Variants in USP31 observed in about 807,000 individuals in gnomAD.
USP31 encodes ubiquitin specific peptidase 31.
USP31 carries 44 observed loss-of-function variants against 119.4 expected under a neutral mutation model. The ratio of observed to expected loss-of-function variants is 0.37; its 90% CI spans 0.29 to 0.47. The LOEUF (loss-of-function observed/expected upper bound fraction) is 0.47, where lower values mean the gene tolerates loss of function less well. USP31 is among the 20% of genes least tolerant of loss of function. The pLI is 0.99. For synonymous variants in USP31, 749 were observed against 705.6 expected (o/e 1.06, Z -0.97); for missense variants, 1,643 against 1,730.2 (o/e 0.95, Z 0.89).
intron 4 of USP31, 64 bp downstream of exon 4, chr16:23,106,149 G>C (rs1384769770): frequency 6.4e-7 from 1 of 1,558,724 alleles, no homozygotes; most frequent in Non-Finnish European, 8.8e-7. Context: ...CCTAATAGGA[G>C]CCTACAGAGG....
Position 23,061,458 on chromosome 16 carries a change from T to C in USP31, c.*6588A>G, listed in dbSNP as rs189965000. On this transcript the variant is annotated 3_prime_UTR_variant, in exon 16 of 16. Coordinates refer to ENST00000219689, the MANE Select transcript of USP31 (RefSeq NM_020718.4). ...ATTGTATTTTGTTACATTTTCCACT[T>C]TTCTCTTAATTCCAACTGTATACTA... 5 of 152,782 alleles carry C rather than the reference T, an allele frequency of 3.3e-5. No individual in the cohort carries two copies. The East Asian group carries it at 9.6e-4, about 29-fold the overall frequency. The allele number at this position is 152,782 out of a possible 1,614,324, so 9.5% of individuals were successfully genotyped here. A position where few individuals can be genotyped will look rare whatever the true frequency, so the allele number is the denominator to read the frequency against.
chr16:23,106,566 T>C (rs1036220788), intron 2 of USP31, 79 bp from the exon 3 acceptor site: 4 of 1,354,660 alleles, frequency 3.0e-6, no homozygotes, highest in South Asian at 1.4e-5. Context: ...GAATCACATA[T>C]GATCTTGACT....
chr16:23,130,967 AACGG>A (rs748810805), intron 1 of USP31, among the ~76,000 whole-genome samples: 69 of 152,314 alleles, frequency 4.5e-4, no homozygotes, highest in Non-Finnish European at 9.0e-4. Context: ...TAAAGATCTT[AACGG>A]ACCTGCATTC....
chr16:23,101,205 C>G (rs538362614), intron 6 of USP31, among the ~76,000 whole-genome samples: 38 of 152,244 alleles, frequency 2.5e-4, no homozygotes, highest in African/African-American at 7.2e-4. Flanking sequence ...CTCGCCTGAA[C>G]TACGTCAGTG....
chr16:23,067,983 G>T lies in USP31; in HGVS notation c.*63C>A. On this transcript the variant is annotated 3_prime_UTR_variant, in exon 16 of 16. Coordinates refer to ENST00000219689, the MANE Select transcript of USP31 (RefSeq NM_020718.4). ...AACAAAAGCACAGGAGGCTTTGGTG[G>T]GAGGGCAGGGGTTCTAAATAAATAA... 6.6e-7 allele frequency: 1 copy of T among 1,526,176 alleles called. No individual in the cohort carries two copies. The allele number at this position is 1,526,176 out of a possible 1,614,324, so 94.5% of individuals were successfully genotyped here.
Position 23,098,575 on chromosome 16 carries a change from T to A in USP31, c.1234+3744A>T, listed in dbSNP as rs190035704. Among the ~76,000 whole-genome samples the A allele has an allele frequency of 4.7e-3, 717 of 152,200 alleles. 4 individuals are homozygous for A. The highest frequency in any genetic ancestry group is 0.014 in the Middle Eastern group (4 of 294). On this transcript the variant is annotated intron_variant, in intron 6 of 15. Transcript: ENST00000219689. Reference sequence around the variant, plus strand: ...CACGCTACCTAACTTCAAACTATACTACAAGGCTACAGTAACCAAAACAGC... The same window carrying A: ...CACGCTACCTAACTTCAAACTATACAACAAGGCTACAGTAACCAAAACAGC...
Position 23,106,401 on chromosome 16 carries a change from G to A in USP31, c.858C>T (p.Tyr286=). ...TFVQELFQAQ[Y]RSSLTCPHCQ... is the part of the protein sequence containing the mutation. ...GGAAACATCCGATTTTCTCATACCT[G>A]TATTGCGCTTGAAAGAGTTCTTGTA... Residue 286 remains tyrosine (Y), a splice_region_variant and synonymous_variant, in exon 3 of 16, where the codon TAC becomes TAT. Coordinates refer to ENST00000219689, the MANE Select transcript of USP31 (RefSeq NM_020718.4). 1 of 1,613,706 alleles carries A rather than the reference G, an allele frequency of 6.2e-7. No individual in the cohort carries two copies. The highest frequency in any genetic ancestry group is 8.5e-7 in the Non-Finnish European group (1 of 1,179,840).
chr16:23,066,083 C>T lies in USP31; in HGVS notation c.*1963G>A, dbSNP rs1292816282. ...GACAGCATCGAAGGCAGCCAGTTGCCGCAGATGTACTGAGCAGATGAGAGT... is the reference window on the plus strand; with the variant it reads ...GACAGCATCGAAGGCAGCCAGTTGCTGCAGATGTACTGAGCAGATGAGAGT... On this transcript the variant is annotated 3_prime_UTR_variant, in exon 16 of 16. Coordinates refer to ENST00000219689, the MANE Select transcript of USP31 (RefSeq NM_020718.4). 6.6e-6 allele frequency: 1 copy of T among 152,158 alleles called. No homozygotes were observed. The highest frequency in any genetic ancestry group is 2.4e-5 in the African/African-American group (1 of 41,414). 9.4% of individuals were successfully genotyped at this position (152,158 alleles called of 1,614,324 possible).
At chr16:23,079,884 C>T in intron 13 of USP31, 62 bp downstream of exon 13, 1 of 1,448,562 alleles carries the variant, frequency 6.9e-7, no homozygotes, top group Non-Finnish European at 9.2e-7. Context: ...AGTCACCCTG[C>T]CACAAGCAAA....
At chr16:23,136,787 T>C (rs1334361899) in intron 1 of USP31, among the ~76,000 whole-genome samples, 2 of 152,102 alleles carry the variant, frequency 1.3e-5, no homozygotes, top group Non-Finnish European at 1.5e-5. Flanking sequence ...CTCTTAACAA[T>C]TCATCACCAC....
At chr16:23,079,813 T>C in intron 13 of USP31, 133 bp downstream of exon 13, 1 of 781,088 alleles carries the variant, frequency 1.3e-6, no homozygotes, top group Non-Finnish European at 1.9e-6. Flanking sequence ...ATCCAGAGGA[T>C]GGAAACTGCC....
chr16:23,105,614 T>C (rs1902065276), intron 4 of USP31, 38 bp from the exon 5 acceptor site: 1 of 1,493,506 alleles, frequency 6.7e-7, no homozygotes, highest in South Asian at 1.4e-5. Context: ...ATTAGTCACT[T>C]ATTTCAACTA....
chr16:23,140,735 T>C (rs13333759), intron 1 of USP31, among the ~76,000 whole-genome samples: 1 of 152,156 alleles, frequency 6.6e-6, no homozygotes, highest in South Asian at 2.1e-4. Context: ...ATTTAACATA[T>C]CTGAACCTGA....
intron 1 of USP31, among the ~76,000 whole-genome samples, chr16:23,108,506 T>C (rs923530571): frequency 2.6e-5 from 4 of 152,140 alleles, no homozygotes; most frequent in Admixed American, 2.6e-4. Context: ...TTGGACATCT[T>C]AAAAAAGAGA....
At chr16:23,094,951 T>C (rs1173879218) in intron 6 of USP31, among the ~76,000 whole-genome samples, 1 of 152,174 alleles carries the variant, frequency 6.6e-6, no homozygotes, top group Non-Finnish European at 1.5e-5. Flanking sequence ...CCTCTTCTCC[T>C]CCAAGGATCG....
At chr16:23,102,546 C>CT (rs1901926187) in intron 5 of USP31, 83 bp from the exon 6 acceptor site, 1 of 1,483,562 alleles carries the variant, frequency 6.7e-7, no homozygotes, top group African/African-American at 1.4e-5. Flanking sequence ...CTTCTCCAGA[C>CT]CATCAGGACT....
chr16:23,109,486 G>A (rs8064059), intron 1 of USP31, among the ~76,000 whole-genome samples: 41,533 of 151,942 alleles, frequency 0.27, 6,113 homozygotes, highest in Admixed American at 0.34. Flanking sequence ...GGGAGAAGAG[G>A]CAAATCTTCC....
intron 1 of USP31, among the ~76,000 whole-genome samples, chr16:23,131,315 T>TA (rs1903024572): frequency 6.6e-6 from 1 of 152,066 alleles, no homozygotes; most frequent in South Asian, 2.1e-4. Context: ...AGTAACAAAT[T>TA]AAAGTTGTAT....
In USP31 at chr16:23,149,392, C is replaced by T. The variant is rs952729763; in HGVS notation, c.-122G>A. The T allele has an allele frequency of 3.7e-5, 36 of 978,884 alleles. No individual in the cohort carries two copies. In the African/African-American group the frequency reaches 5.6e-4, roughly 15 times the overall value. The allele number at this position is 978,884 out of a possible 1,614,324, so 60.6% of individuals were successfully genotyped here. On this transcript the variant is annotated 5_prime_UTR_variant, in exon 1 of 16. Transcript: ENST00000219689. Reference sequence around the variant, plus strand: ...CCCGGGGGCTCGACGCCCCACACACCTCAAAGCGCAGCCGAGCCAGCGAGC... The same window carrying T: ...CCCGGGGGCTCGACGCCCCACACACTTCAAAGCGCAGCCGAGCCAGCGAGC...
Sources: allele counts gnomAD v4.1 joint callset (sites outside exome capture counted in the v4.1 genomes callset), GRCh38; gene constraint gnomAD v4.1.1; transcripts MANE v1.5; gene names NCBI Gene and HGNC (gene_info 2026-07-23, HGNC 2026-07-21).